SLFN12: variants seen among roughly 807,000 people sequenced by gnomAD.
SLFN12 encodes ribonuclease SLFN12.
Under a neutral mutation model 29.1 loss-of-function variants are expected in SLFN12, and 25 were observed. That is an observed-to-expected ratio of 0.86 (90% CI 0.63 to 1.20). The LOEUF (loss-of-function observed/expected upper bound fraction) is 1.20, where lower values mean the gene tolerates loss of function less well. Among genes scored for constraint, SLFN12 ranks in the 50% most tolerant of loss-of-function variants. SLFN12 has a pLI of 0.00. For synonymous variants in SLFN12, 257 were observed against 238.7 expected (o/e 1.08, Z -0.71); for missense variants, 660 against 666.2 (o/e 0.99, Z 0.10).
At chr17:35,428,291 T>C (rs1912121415) in intron 1 of SLFN12, among the ~76,000 whole-genome samples, 1 of 152,142 alleles carries the variant, frequency 6.6e-6, no homozygotes, top group African/African-American at 2.4e-5. Context: ...TAGTGGTGAT[T>C]ACAGCACTTT....
At chr17:35,415,637 C>T (rs181604673) in intron 3 of SLFN12, among the ~76,000 whole-genome samples, 38 of 152,152 alleles carry the variant, frequency 2.5e-4, no homozygotes, top group Admixed American at 3.3e-4. Context: ...TATCCAGAAT[C>T]TATGAGGAAC....
Position 35,413,068 on chromosome 17 carries a change from T to TAA in SLFN12, c.1148-1143_1148-1142dup, listed in dbSNP as rs376485425. ...AGCAAAAGTCCGAACTCAAACTCAA[T>TAA]AAAAAAAAAAAAGGTAAAAACAGAA... On this transcript the variant is annotated intron_variant, in intron 3 of 3. Transcript: ENST00000304905. Among the ~76,000 whole-genome samples, 442 of 113,064 alleles carry TAA rather than the reference T, an allele frequency of 3.9e-3. 3 individuals carry two copies. Among genetic ancestry groups the TAA allele is most frequent in the Middle Eastern group, 8.8e-3 (2 of 226 alleles). The allele number at this position is 113,064 out of a possible 152,430, so 74.2% of individuals were successfully genotyped here. A position where few individuals can be genotyped will look rare whatever the true frequency, so the allele number is the denominator to read the frequency against.
intron 3 of SLFN12, among the ~76,000 whole-genome samples, chr17:35,417,136 G>C (rs1027058223): frequency 6.6e-6 from 1 of 152,046 alleles, no homozygotes; most frequent in Non-Finnish European, 1.5e-5. Context: ...GTCACTCATG[G>C]ATTTAGATAC....
chr17:35,431,066 G>C (rs764819538), intron 1 of SLFN12, among the ~76,000 whole-genome samples: 2 of 152,080 alleles, frequency 1.3e-5, no homozygotes, highest in African/African-American at 4.8e-5. Context: ...GCATAATCAT[G>C]GGAAAAGCTT....
intron 1 of SLFN12, among the ~76,000 whole-genome samples, chr17:35,431,600 A>G (rs1407334302): frequency 6.6e-6 from 1 of 152,160 alleles, no homozygotes; most frequent in South Asian, 2.1e-4. Context: ...TTAGAGCGTC[A>G]GACGTCTCTG....
chr17:35,423,096 A>G, intron 1 of SLFN12, 28 bp from the exon 2 acceptor site: 6 of 1,530,220 alleles, frequency 3.9e-6, no homozygotes, highest in Non-Finnish European at 5.2e-6. Flanking sequence ...CCATTAGAAT[A>G]GGACCTGAAC....
intron 3 of SLFN12, among the ~76,000 whole-genome samples, chr17:35,417,864 C>A (rs1231149389): frequency 6.6e-6 from 1 of 151,744 alleles, no homozygotes; most frequent in African/African-American, 2.4e-5. Flanking sequence ...AAAAAAATAT[C>A]TTTACAACAA....
intron 1 of SLFN12, among the ~76,000 whole-genome samples, chr17:35,424,751 A>G (rs1911902858): frequency 6.6e-6 from 1 of 152,148 alleles, no homozygotes; most frequent in Non-Finnish European, 1.5e-5. Context: ...CCATTTGGAC[A>G]GTTGGGGTTG....
rs550950284 is a variant in SLFN12, at chr17:35,430,121, G to A, written c.-41+2067C>T. ...CCATGCAGGAGCAAAAGTTCCACCC[G>A]ACCTATAGCTTCCAAGTCCACCATT... On this transcript the variant is annotated intron_variant, in intron 1 of 3. Coordinates refer to ENST00000304905, the MANE Select transcript of SLFN12 (RefSeq NM_018042.5). Among the ~76,000 whole-genome samples, 14 of 152,028 alleles carry A rather than the reference G, an allele frequency of 9.2e-5. No individual in the cohort carries two copies. The East Asian group carries it at 1.4e-3, about 15-fold the overall frequency.
In SLFN12 at chr17:35,422,948, A is replaced by G. The variant is rs367796252; in HGVS notation, c.81T>C (p.Ser27=). The G allele has an allele frequency of 4.3e-6, 7 of 1,613,534 alleles. No individual in the cohort carries two copies. In the African/African-American group the frequency reaches 8.0e-5, roughly 18 times the overall value. The change falls in exon 2 of 4, where the codon AGT becomes AGC. Residue 27 remains serine, a synonymous_variant. Transcript: ENST00000304905. The part of the protein sequence containing the change: ...DVGRVTLGEN[S]RKKMKDCKLR... ...GTTTACAATCCTTCATTTTTTTCCT[A>G]CTGTTCTCTCCAAGAGTGACTCTTC...
In SLFN12 at chr17:35,416,267, T is replaced by C. The variant is rs1330783842; in HGVS notation, c.1147+4007A>G. Among the ~76,000 whole-genome samples, 4 of 152,192 alleles carry C rather than the reference T, an allele frequency of 2.6e-5. No homozygotes were observed. In the South Asian group the frequency reaches 6.2e-4, roughly 24 times the overall value. ...TAACTCAGGAATGGAAAACCAAATA[T>C]TGTATGTTCTCACTCATAAGTGGGA... On this transcript the variant is annotated intron_variant, in intron 3 of 3. Transcript: ENST00000304905.
At chr17:35,413,032 G>C (rs1911114592) in intron 3 of SLFN12, among the ~76,000 whole-genome samples, 1 of 147,538 alleles carries the variant, frequency 6.8e-6, no homozygotes, top group African/African-American at 2.5e-5. Context: ...TCAATAGGAA[G>C]ACAGGATGGT....
At chr17:35,424,396 G>A (rs1454768299) in intron 1 of SLFN12, among the ~76,000 whole-genome samples, 1 of 150,462 alleles carries the variant, frequency 6.6e-6, no homozygotes, top group African/African-American at 2.5e-5. Context: ...TAAGAAGTAT[G>A]ACTTAAGTTT....
chr17:35,427,081 A>G (rs1912059068), intron 1 of SLFN12, among the ~76,000 whole-genome samples: 1 of 152,162 alleles, frequency 6.6e-6, no homozygotes, highest in Non-Finnish European at 1.5e-5. Context: ...CAGACAGGTT[A>G]CAACATTGAA....
chr17:35,417,852 T>A (rs1013772361), intron 3 of SLFN12, among the ~76,000 whole-genome samples: 3 of 151,688 alleles, frequency 2.0e-5, no homozygotes, highest in East Asian at 1.9e-4. Flanking sequence ...ATGGAACTTT[T>A]AAAAAAAATA....
In SLFN12 at chr17:35,422,004, A is replaced by C. The variant is rs1181281005; in HGVS notation, c.1025T>G (p.Val342Gly). ...CCGCTCTCAACTTGGTTCAGCCTCC[A>C]CCATGAACTGGATCCATTCCTTCCT... ...LTRKEWIQFMVEAEPKFSSSY... is the reference protein window; with the variant it reads ...LTRKEWIQFMGEAEPKFSSSY... Residue 342 changes from valine to glycine, a missense_variant, in exon 2 of 4, where the codon GTG (valine) becomes GGG (glycine). Coordinates refer to ENST00000304905, the MANE Select transcript of SLFN12 (RefSeq NM_018042.5). 5 of 1,613,572 alleles carry C rather than the reference A, an allele frequency of 3.1e-6. No homozygotes were observed. The highest frequency in any genetic ancestry group is 4.2e-6 in the Non-Finnish European group (5 of 1,179,730).
At position 35,422,774 on chromosome 17, in the gene SLFN12, G is replaced by A. The variant is rs1181261837; in HGVS notation, c.255C>T (p.Asn85=). 6.2e-7 allele frequency: 1 copy of A among 1,613,692 alleles called. No individual in the cohort carries two copies. Among genetic ancestry groups the A allele is most frequent in the Non-Finnish European group, 8.5e-7 (1 of 1,179,892 alleles). Residue 85 remains asparagine (N), a synonymous_variant, in exon 2 of 4, where the codon AAC becomes AAT. Transcript: ENST00000304905. The part of the protein sequence containing the change: ...IGLDLENSFS[N]ILLFVPEYLD... ...AGTACTCAGGAACAAATAACAGAAT[G>A]TTACTAAAAGAATTTTCCAAATCTA...
intron 1 of SLFN12, among the ~76,000 whole-genome samples, chr17:35,429,223 G>A (rs1238714374): frequency 6.6e-6 from 1 of 152,064 alleles, no homozygotes; most frequent in East Asian, 1.9e-4. Flanking sequence ...ATTGATTAAG[G>A]AGGGTGCTCA....
upstream of SLFN12, chr17:35,432,512 G>C (rs896371844): frequency 2.6e-5 from 4 of 152,188 alleles, no homozygotes; most frequent in African/African-American, 9.7e-5. Flanking sequence ...GGAGGCTGAA[G>C]TGAAGTTACA....
Sources: allele counts gnomAD v4.1 joint callset (sites outside exome capture counted in the v4.1 genomes callset), GRCh38; gene constraint gnomAD v4.1.1; transcripts MANE v1.5; gene names NCBI Gene and HGNC (gene_info 2026-07-23, HGNC 2026-07-21).